The following DCDC2C variants were observed in gnomAD, a reference collection of about 807,000 sequenced individuals.
DCDC2C encodes the protein doublecortin domain-containing protein 2C.
DCDC2C carries 44 observed loss-of-function variants against 45.0 expected under a neutral mutation model. That is an observed-to-expected ratio of 0.98 (90% CI 0.77 to 1.26). The LOEUF (loss-of-function observed/expected upper bound fraction) is 1.26. DCDC2C is among the 50% of genes most tolerant of loss of function. The probability of loss-of-function intolerance (pLI) is 0.00; values close to 1 mark genes in which losing one functional copy is unlikely to be tolerated. For missense variants in DCDC2C, 447 were observed against 468.9 expected, an observed-to-expected ratio of 0.95 and a Z score of 0.43; for synonymous variants, 187 against 178.8, an observed-to-expected ratio of 1.05 and a Z score of -0.37.
chr2:3,792,279 T>C (rs1419099636), intron 10 of DCDC2C, among the ~76,000 whole-genome samples: 1 of 152,214 alleles, frequency 6.6e-6, no homozygotes, highest in Non-Finnish European at 1.5e-5. Context: ...TTCAGCCGGA[T>C]GGTCTTCTCT....
intron 2 of DCDC2C, among the ~76,000 whole-genome samples, chr2:3,723,851 A>G (rs1440340541): frequency 1.3e-5 from 2 of 151,974 alleles, no homozygotes; most frequent in East Asian, 1.9e-4. Flanking sequence ...ATTTTCTGAG[A>G]TGGGGAAGCC....
intron 10 of DCDC2C, among the ~76,000 whole-genome samples, chr2:3,808,618 C>G (rs12999841): frequency 0.16 from 23,650 of 152,212 alleles, 1,927 homozygotes; most frequent in East Asian, 0.29. Context: ...TCTCGATCTC[C>G]TGACCTGGTG....
chr2:3,800,074 G>A lies in DCDC2C; in HGVS notation c.1065+14974G>A, dbSNP rs563504492. On this transcript the variant is annotated intron_variant, in intron 10 of 10. Coordinates refer to ENST00000399143, the MANE Select transcript of DCDC2C (RefSeq NM_001287444.2). Reference sequence around the variant, plus strand: ...GGTGCGGGATATAATCTCGTGGTGCGCCGTTTTTTAAGCCCGTTGGAAAAG... The same window carrying A: ...GGTGCGGGATATAATCTCGTGGTGCACCGTTTTTTAAGCCCGTTGGAAAAG... Among the ~76,000 whole-genome samples, 721 of 152,316 alleles carry A rather than the reference G, an allele frequency of 4.7e-3. 2 individuals are homozygous for A. Among genetic ancestry groups the A allele is most frequent in the African/African-American group, 0.016 (685 of 41,568 alleles).
At chr2:3,834,487 A>G (rs2034731) in intron 10 of DCDC2C, among the ~76,000 whole-genome samples, 81,797 of 151,926 alleles carry the variant, frequency 0.54, 22,877 homozygotes, top group Non-Finnish European at 0.62. Flanking sequence ...GCTTAGCGGG[A>G]ACTTCCTCCA....
intron 10 of DCDC2C, among the ~76,000 whole-genome samples, chr2:3,840,653 A>G (rs1298026221): frequency 1.3e-5 from 2 of 152,210 alleles, no homozygotes; most frequent in Non-Finnish European, 2.9e-5. Flanking sequence ...CATTTTGGTC[A>G]GCTTACTAAT....
chr2:3,778,401 A>T (rs1448105370), intron 8 of DCDC2C, among the ~76,000 whole-genome samples: 1 of 152,190 alleles, frequency 6.6e-6, no homozygotes, highest in Non-Finnish European at 1.5e-5. Flanking sequence ...CCAGTGTGCC[A>T]TGAAAACTAG....
At chr2:3,785,672 C>T (rs1670633578) in intron 10 of DCDC2C, among the ~76,000 whole-genome samples, 1 of 152,176 alleles carries the variant, frequency 6.6e-6, no homozygotes, top group South Asian at 2.1e-4. Context: ...GCTCTGTCCT[C>T]AGCAGGACTG....
chr2:3,807,223 G>A (rs569517087), intron 10 of DCDC2C, among the ~76,000 whole-genome samples: 10 of 152,222 alleles, frequency 6.6e-5, no homozygotes, highest in Admixed American at 2.0e-4. Context: ...GCCTTTCTGC[G>A]CTTTCTCACT....
At chr2:3,801,094 G>A (rs1281148174) in intron 10 of DCDC2C, among the ~76,000 whole-genome samples, 1 of 152,210 alleles carries the variant, frequency 6.6e-6, no homozygotes, top group Admixed American at 6.5e-5. Flanking sequence ...GGGAAGTTGT[G>A]CATGAGATGA....
At chr2:3,727,710 G>A (rs762386107) in intron 3 of DCDC2C, among the ~76,000 whole-genome samples, 1 of 152,240 alleles carries the variant, frequency 6.6e-6, no homozygotes, top group Non-Finnish European at 1.5e-5. Context: ...GTTGGGAAAA[G>A]ACACACACTT....
At chr2:3,753,605 A>G (rs988163776) in intron 5 of DCDC2C, among the ~76,000 whole-genome samples, 6 of 152,176 alleles carry the variant, frequency 3.9e-5, no homozygotes, top group African/African-American at 1.4e-4. Flanking sequence ...AAGAGCTGCC[A>G]TTTTTCATCT....
chr2:3,771,572 C>A (rs987088374), intron 8 of DCDC2C, among the ~76,000 whole-genome samples: 6 of 152,220 alleles, frequency 3.9e-5, no homozygotes, highest in African/African-American at 1.2e-4. Context: ...TCCCCACGAA[C>A]CTTTTCTTGC....
intron 10 of DCDC2C, among the ~76,000 whole-genome samples, chr2:3,785,663 C>T (rs574637130): frequency 5.1e-4 from 77 of 152,294 alleles, no homozygotes; most frequent in South Asian, 1.9e-3. Context: ...TCAGCAATAG[C>T]TCTGTCCTCA....
chr2:3,828,214 G>A (rs1352276301), intron 10 of DCDC2C, among the ~76,000 whole-genome samples: 10 of 152,208 alleles, frequency 6.6e-5, no homozygotes, highest in Admixed American at 6.5e-4. Flanking sequence ...CTTGCCAGAT[G>A]GTTATTCTCA....
chr2:3,837,017 C>T (rs879893161), intron 10 of DCDC2C, among the ~76,000 whole-genome samples: 3 of 152,126 alleles, frequency 2.0e-5, no homozygotes, highest in Non-Finnish European at 2.9e-5. Flanking sequence ...TAATTAAGGA[C>T]CTGCTGTCTA....
chr2:3,840,189 T>C (rs1432968113), intron 10 of DCDC2C, among the ~76,000 whole-genome samples: 1 of 152,262 alleles, frequency 6.6e-6, no homozygotes, highest in Non-Finnish European at 1.5e-5. Flanking sequence ...TGCTATTTAC[T>C]ATTGAGATTT....
intron 7 of DCDC2C, among the ~76,000 whole-genome samples, chr2:3,768,748 A>G (rs571568106): frequency 1.3e-5 from 2 of 151,922 alleles, no homozygotes; most frequent in African/African-American, 2.4e-5. Context: ...TAATTTTTGT[A>G]TTTTTAGTAG....
intron 4 of DCDC2C, among the ~76,000 whole-genome samples, chr2:3,744,845 G>C (rs758192224): frequency 3.5e-4 from 53 of 152,172 alleles, no homozygotes; most frequent in Non-Finnish European, 7.2e-4. Flanking sequence ...GCACAAGTCT[G>C]TACCGGGAAT....
chr2:3,727,993 G>A (rs971068580), intron 3 of DCDC2C, among the ~76,000 whole-genome samples: 1 of 152,182 alleles, frequency 6.6e-6, no homozygotes, highest in Non-Finnish European at 1.5e-5. Context: ...CCCTGACATG[G>A]ATATCTTTCC....
Sources: gnomAD v4.1 joint callset for allele counts (sites outside exome capture counted in the v4.1 genomes callset) on GRCh38, gnomAD v4.1.1 for gene constraint, MANE v1.5 for transcripts, NCBI Gene and HGNC (gene_info 2026-07-23, HGNC 2026-07-21) for gene names.